Variants in CTDSPL2 observed in about 807,000 individuals in gnomAD.
CTDSPL2 encodes the protein CTD small phosphatase like 2.
A neutral mutation model predicts 60.0 loss-of-function variants in CTDSPL2; 5 were observed. The ratio of observed to expected loss-of-function variants is 0.08; its 90% CI spans 0.04 to 0.18. CTDSPL2 has a LOEUF of 0.18. Ranked by LOEUF, CTDSPL2 falls within the 10% of genes least tolerant of loss-of-function variation. CTDSPL2 has a pLI of 1.00. For missense variants in CTDSPL2, 370 were observed against 548.8 expected, an observed-to-expected ratio of 0.67 and a Z score of 3.26; for synonymous variants, 186 against 189.3, an observed-to-expected ratio of 0.98 and a Z score of 0.14.
intron 7 of CTDSPL2, among the ~76,000 whole-genome samples, chr15:44,497,613 G>T (rs1346639181): frequency 6.6e-6 from 1 of 151,934 alleles, no homozygotes. Flanking sequence ...CTCATGATCC[G>T]CCCGCCTCGG....
intron 2 of CTDSPL2, among the ~76,000 whole-genome samples, chr15:44,480,485 C>A (rs2081006450): frequency 6.6e-6 from 1 of 152,054 alleles, no homozygotes; most frequent in South Asian, 2.1e-4. Flanking sequence ...TTTTTCTTGC[C>A]TTTTCAGTTC....
At chr15:44,499,115 A>C (rs1244898008) in intron 7 of CTDSPL2, among the ~76,000 whole-genome samples, 1 of 151,250 alleles carries the variant, frequency 6.6e-6, no homozygotes, top group Non-Finnish European at 1.5e-5. Flanking sequence ...GGGCTTCTAA[A>C]AACAGACATT....
At chr15:44,488,302 G>A (rs368037985) in intron 4 of CTDSPL2, among the ~76,000 whole-genome samples, 19 of 152,218 alleles carry the variant, frequency 1.2e-4, no homozygotes, top group African/African-American at 4.1e-4. Flanking sequence ...GTAGTCGTTT[G>A]TGTGAGACTT....
chr15:44,459,328 C>A, intron 2 of CTDSPL2, 128 bp downstream of exon 2: 6 of 553,092 alleles, frequency 1.1e-5, no homozygotes, highest in Non-Finnish European at 1.8e-5. Context: ...GAGATCGAGA[C>A]CATCCTGGCT....
At chr15:44,490,110 G>A (rs1475828013) in intron 4 of CTDSPL2, among the ~76,000 whole-genome samples, 2 of 152,094 alleles carry the variant, frequency 1.3e-5, no homozygotes, top group African/African-American at 2.4e-5. Context: ...GATTCCAGAA[G>A]GAAATGGAAA....
chr15:44,476,283 G>A (rs376535239), intron 2 of CTDSPL2, among the ~76,000 whole-genome samples: 7 of 152,126 alleles, frequency 4.6e-5, no homozygotes, highest in African/African-American at 1.7e-4. Context: ...AGCCAGGATG[G>A]TCTCGATCTC....
At chr15:44,457,378 A>G (rs183542912) in intron 1 of CTDSPL2, among the ~76,000 whole-genome samples, 9 of 152,268 alleles carry the variant, frequency 5.9e-5, no homozygotes, top group African/African-American at 2.2e-4. Context: ...TTGCACATCT[A>G]TATTATGGAG....
intron 8 of CTDSPL2, among the ~76,000 whole-genome samples, chr15:44,504,037 A>C (rs1193103379): frequency 6.6e-6 from 1 of 152,060 alleles, no homozygotes; most frequent in Non-Finnish European, 1.5e-5. Context: ...GCTTAGGATA[A>C]TTTTCATATC....
chr15:44,467,666 T>TG (rs2080723354), intron 2 of CTDSPL2, among the ~76,000 whole-genome samples: 1 of 152,126 alleles, frequency 6.6e-6, no homozygotes, highest in Non-Finnish European at 1.5e-5. Context: ...CTCTGCCTCC[T>TG]GGGTTCAAGC....
intron 2 of CTDSPL2, among the ~76,000 whole-genome samples, chr15:44,483,308 C>G (rs747006024): frequency 7.9e-5 from 12 of 151,314 alleles, no homozygotes; most frequent in Non-Finnish European, 1.5e-4. Context: ...GTGCATGACT[C>G]TAGAAAAAAT....
chr15:44,454,348 T>G (rs2080391378), intron 1 of CTDSPL2, among the ~76,000 whole-genome samples: 1 of 152,206 alleles, frequency 6.6e-6, no homozygotes, highest in South Asian at 2.1e-4. Context: ...ATGAGTAGAT[T>G]GCAAAATTTT....
At chr15:44,487,015 A>G (rs1276621041) in intron 4 of CTDSPL2, among the ~76,000 whole-genome samples, 1 of 152,126 alleles carries the variant, frequency 6.6e-6, no homozygotes, top group East Asian at 1.9e-4. Flanking sequence ...TGATCCGCCC[A>G]CCTCGGATTC....
At chr15:44,440,701 T>A (rs972154960) in intron 1 of CTDSPL2, among the ~76,000 whole-genome samples, 1 of 152,220 alleles carries the variant, frequency 6.6e-6, no homozygotes, top group Admixed American at 6.5e-5. Context: ...TGTTGAATGC[T>A]TTGCCTCTTG....
At chr15:44,482,963 A>G (rs1207985300) in intron 2 of CTDSPL2, among the ~76,000 whole-genome samples, 2 of 152,200 alleles carry the variant, frequency 1.3e-5, no homozygotes. Context: ...TAGTAATACT[A>G]GAAAATCACT....
At chr15:44,439,538 T>C (rs1307481651) in intron 1 of CTDSPL2, among the ~76,000 whole-genome samples, 1 of 147,736 alleles carries the variant, frequency 6.8e-6, no homozygotes, top group African/African-American at 2.4e-5. Flanking sequence ...TTTTTATGTT[T>C]TTTTTGGGGG....
intron 8 of CTDSPL2, chr15:44,501,964 G>T (rs1237803264): frequency 8.8e-6 from 4 of 454,888 alleles, no homozygotes; most frequent in Admixed American, 2.4e-5. Flanking sequence ...ACTTTCAGTG[G>T]TGTTGTCTCC....
intron 2 of CTDSPL2, among the ~76,000 whole-genome samples, chr15:44,472,078 AT>A (rs970092452): frequency 2.0e-5 from 3 of 152,064 alleles, no homozygotes; most frequent in African/African-American, 4.8e-5. Context: ...GATATACCAC[AT>A]TTTGATTATC....
chr15:44,445,900 C>G (rs142367290), intron 1 of CTDSPL2, among the ~76,000 whole-genome samples: 14,000 of 148,908 alleles, frequency 0.094, 1,367 homozygotes, highest in East Asian at 0.24. Flanking sequence ...GCCTGTCAAA[C>G]TGCTGGGATT....
chr15:44,496,017 A>G (rs2081293849), intron 5 of CTDSPL2, among the ~76,000 whole-genome samples: 1 of 152,190 alleles, frequency 6.6e-6, no homozygotes, highest in African/African-American at 2.4e-5. Flanking sequence ...CATTTTATGA[A>G]CTATTACCCC....
Sources: gnomAD v4.1 joint callset for allele counts (sites outside exome capture counted in the v4.1 genomes callset) on GRCh38, gnomAD v4.1.1 for gene constraint, MANE v1.5 for transcripts, NCBI Gene and HGNC (gene_info 2026-07-23, HGNC 2026-07-21) for gene names.